The following STX7 variants were observed in gnomAD, a reference collection of about 807,000 sequenced individuals.
STX7 encodes the protein syntaxin-7.
A neutral mutation model predicts 39.6 loss-of-function variants in STX7; 34 were observed. That is an observed-to-expected ratio of 0.86 (90% CI 0.65 to 1.14). The LOEUF is 1.14. STX7 is among the 50% of genes most tolerant of loss of function. The probability of loss-of-function intolerance (pLI) is 0.00; values close to 1 mark genes in which losing one functional copy is unlikely to be tolerated. For synonymous variants in STX7, 119 were observed against 99.1 expected (o/e 1.20, Z -1.19); for missense variants, 284 against 310.4 (o/e 0.92, Z 0.64).
rs1255672341 is a variant in STX7 at position 132,453,083 on chromosome 6, T to A, written c.*7675A>T. The A allele has an allele frequency of 6.6e-6, 1 of 152,094 alleles. No individual in the cohort carries two copies. The highest frequency in any genetic ancestry group is 1.5e-5 in the Non-Finnish European group (1 of 67,986). 9.4% of individuals were successfully genotyped at this position (152,094 alleles called of 1,614,324 possible). On this transcript the variant is annotated 3_prime_UTR_variant, in exon 10 of 10. Transcript: ENST00000367941. ...CACACGAATGTGCCCAACTGATTTC[T>A]CATTAACTCATTTTTGCTCAACTGA...
Position 132,475,590 on chromosome 6 carries a change from T to C in STX7, c.155+3A>G, listed in dbSNP as rs1368168936. The C allele has an allele frequency of 6.3e-7, 1 of 1,596,124 alleles. No individual in the cohort carries two copies. The highest frequency in any genetic ancestry group is 8.5e-7 in the Non-Finnish European group (1 of 1,170,410). ...TCTTTTATTTATTTAACTAGATACT[T>C]ACAACTGTTGCCTCAATTCAGGTGA... On this transcript the variant is annotated splice_donor_region_variant and intron_variant, in intron 3 of 9. Transcript: ENST00000367941.
At chr6:132,480,035 T>C (rs1248460455) in intron 2 of STX7, among the ~76,000 whole-genome samples, 2 of 152,200 alleles carry the variant, frequency 1.3e-5, no homozygotes, top group African/African-American at 2.4e-5. Flanking sequence ...GGTTCTGTTA[T>C]GCATCCTCTA....
chr6:132,494,804 C>CT (rs1224005729), intron 2 of STX7, among the ~76,000 whole-genome samples: 2 of 152,156 alleles, frequency 1.3e-5, no homozygotes, highest in Non-Finnish European at 2.9e-5. Context: ...GCCTTTCAAG[C>CT]TATAGGATGA....
chr6:132,498,952 T>C (rs1417048310), intron 2 of STX7, among the ~76,000 whole-genome samples: 1 of 152,160 alleles, frequency 6.6e-6, no homozygotes, highest in Non-Finnish European at 1.5e-5. Flanking sequence ...ACTCAACACA[T>C]TTGCTAAACC....
At chr6:132,463,505 C>G (rs962084882) in intron 9 of STX7, among the ~76,000 whole-genome samples, 2 of 152,090 alleles carry the variant, frequency 1.3e-5, no homozygotes, top group Non-Finnish European at 2.9e-5. Flanking sequence ...TGAATGTGGA[C>G]AGAATATATA....
intron 1 of STX7, among the ~76,000 whole-genome samples, chr6:132,510,293 C>A (rs1775815197): frequency 6.6e-6 from 1 of 152,180 alleles, no homozygotes; most frequent in Non-Finnish European, 1.5e-5. Context: ...ATGCTAATTA[C>A]CCTGATTTGA....
intron 8 of STX7, among the ~76,000 whole-genome samples, chr6:132,468,037 C>T (rs564401418): frequency 6.6e-6 from 1 of 152,254 alleles, no homozygotes; most frequent in South Asian, 2.1e-4. Flanking sequence ...ACATATACCA[C>T]AAGTTTCCCC....
At chr6:132,461,193 TAAAG>T (rs942431222) in intron 9 of STX7, among the ~76,000 whole-genome samples, 18 of 152,166 alleles carry the variant, frequency 1.2e-4, no homozygotes. Flanking sequence ...TGAATAAAAA[TAAAG>T]AACAGCTTAC....
chr6:132,506,740 G>T (rs1339941669), intron 1 of STX7, among the ~76,000 whole-genome samples: 3 of 151,570 alleles, frequency 2.0e-5, no homozygotes, highest in Non-Finnish European at 4.4e-5. Flanking sequence ...AGTCATCAAA[G>T]AACTAAAAAT....
chr6:132,470,091 T>G (rs754644190), intron 6 of STX7, 44 bp from the exon 7 acceptor site: 13 of 1,410,914 alleles, frequency 9.2e-6, no homozygotes, highest in Non-Finnish European at 1.2e-5. Flanking sequence ...AGATTGGTAT[T>G]CAAAACAATG....
chr6:132,470,519 T>C (rs1409303831), intron 6 of STX7, 55 bp downstream of exon 6: 10 of 1,290,492 alleles, frequency 7.7e-6, no homozygotes, highest in Admixed American at 5.3e-5. Context: ...GGGACCTTAA[T>C]GTATAAACTT....
chr6:132,498,342 G>A (rs1775469164), intron 2 of STX7, among the ~76,000 whole-genome samples: 2 of 151,948 alleles, frequency 1.3e-5, no homozygotes, highest in Admixed American at 6.6e-5. Context: ...CTTTACTGGT[G>A]AAACAAATTC....
chr6:132,487,140 G>A (rs1209974725), intron 2 of STX7, among the ~76,000 whole-genome samples: 2 of 152,176 alleles, frequency 1.3e-5, no homozygotes, highest in Non-Finnish European at 2.9e-5. Context: ...AAGGTTTTAA[G>A]TTGTAATTTC....
At position 132,503,448 on chromosome 6, in the gene STX7, C is replaced by CA. The variant is rs764606542; in HGVS notation, c.82dup (p.Cys28LeufsTer20). 12 of 1,613,768 alleles carry CA rather than the reference C, an allele frequency of 7.4e-6. No homozygotes were observed. The highest frequency in any genetic ancestry group is 1.0e-5 in the Non-Finnish European group (12 of 1,179,712). ...AGTCCATTTAAAACTCAACTCACAA[C>CA]ACTGTGTGATCTTCTGGATGTTAGA... On this transcript the variant is annotated frameshift_variant, in exon 2 of 10. Coordinates refer to ENST00000367941, the MANE Select transcript of STX7 (RefSeq NM_003569.3). LOFTEE classifies it high-confidence loss of function.
At chr6:132,502,611 A>G (rs906132410) in intron 2 of STX7, among the ~76,000 whole-genome samples, 18 of 141,276 alleles carry the variant, frequency 1.3e-4, no homozygotes, top group Non-Finnish European at 2.5e-4. Context: ...ATAGCAAAGA[A>G]TAATTTGGCC....
chr6:132,490,888 T>C (rs1775263175), intron 2 of STX7, among the ~76,000 whole-genome samples: 1 of 151,956 alleles, frequency 6.6e-6, no homozygotes, highest in African/African-American at 2.4e-5. Flanking sequence ...TGGGATGACA[T>C]CAGGGATGGA....
In STX7 at chr6:132,453,554, A is replaced by C. The variant is rs1225547839; in HGVS notation, c.*7204T>G. On this transcript the variant is annotated 3_prime_UTR_variant, in exon 10 of 10. Coordinates refer to ENST00000367941, the MANE Select transcript of STX7 (RefSeq NM_003569.3). Reference sequence around the variant, plus strand: ...TACACACACACACACACAGAGGCACACACACACATTATTTAAAAGCCCTCA... The same window carrying C: ...TACACACACACACACACAGAGGCACCCACACACATTATTTAAAAGCCCTCA... The C allele has an allele frequency of 1.3e-5, 2 of 152,044 alleles. No homozygotes were observed. The highest frequency in any genetic ancestry group is 2.9e-5 in the Non-Finnish European group (2 of 67,970). The allele number at this position is 152,044 out of a possible 1,614,324, so 9.4% of individuals were successfully genotyped here. A position where few individuals can be genotyped will look rare whatever the true frequency, so the allele number is the denominator to read the frequency against.
rs1774230693 is a variant in STX7 at position 132,455,918 on chromosome 6, A to G, written c.*4840T>C. On this transcript the variant is annotated 3_prime_UTR_variant, in exon 10 of 10. Transcript: ENST00000367941. ...GCCAAGGGATGGGTAGGGTTAAATT[A>G]AAAACATTTTAAGAAACATTTCTTT... 1.3e-5 allele frequency: 2 copies of G among 152,216 alleles called. No homozygotes were observed. The highest frequency in any genetic ancestry group is 6.5e-5 in the Admixed American group (1 of 15,280). 9.4% of individuals were successfully genotyped at this position (152,216 alleles called of 1,614,324 possible).
rs1036487316 is a variant in STX7 at position 132,453,095 on chromosome 6, T to C, written c.*7663A>G. On this transcript the variant is annotated 3_prime_UTR_variant, in exon 10 of 10. Coordinates refer to ENST00000367941, the MANE Select transcript of STX7 (RefSeq NM_003569.3). ...CCCAACTGATTTCTCATTAACTCAT[T>C]TTTGCTCAACTGATTTTTGACAGAG... 6.6e-6 allele frequency: 1 copy of C among 152,096 alleles called. No individual in the cohort carries two copies. Among genetic ancestry groups the C allele is most frequent in the Non-Finnish European group, 1.5e-5 (1 of 67,986 alleles). 9.4% of individuals were successfully genotyped at this position (152,096 alleles called of 1,614,324 possible).
Sources: allele counts gnomAD v4.1 joint callset (sites outside exome capture counted in the v4.1 genomes callset), GRCh38; gene constraint gnomAD v4.1.1; transcripts MANE v1.5; gene names NCBI Gene and HGNC (gene_info 2026-07-23, HGNC 2026-07-21).